DECR2: variants seen among roughly 807,000 people sequenced by gnomAD.
DECR2 encodes peroxisomal 2,4-dienoyl-CoA reductase [(3E)-enoyl-CoA-producing].
A neutral mutation model predicts 29.2 loss-of-function variants in DECR2; 34 were observed. The observed-to-expected ratio is 1.16, with a 90% CI of 0.89 to 1.55. The LOEUF is 1.55. DECR2 is among the 40% of genes most tolerant of loss of function. DECR2 has a pLI of 0.00. For synonymous variants in DECR2, 224 were observed against 182.7 expected, an observed-to-expected ratio of 1.23 and a Z score of -1.82; for missense variants, 485 against 425.3, an observed-to-expected ratio of 1.14 and a Z score of -1.23.
At chr16:402,868 C>G in intron 1 of DECR2, 1 of 197,760 alleles carries the variant, frequency 5.1e-6, no homozygotes, top group Non-Finnish European at 9.1e-6. Flanking sequence ...ACCTGTAATC[C>G]CAACTACTTG....
chr16:405,471 C>A, intron 2 of DECR2: 1 of 1,239,564 alleles, frequency 8.1e-7, no homozygotes, highest in Non-Finnish European at 1.1e-6. Flanking sequence ...GTGAGTCCCA[C>A]AGGAAGAGAT....
In DECR2 at chr16:410,504, C is replaced by A. The variant is rs3743893; in HGVS notation, c.462+137C>A. 3 of 1,162,256 alleles carry A rather than the reference C, an allele frequency of 2.6e-6. No individual in the cohort carries two copies. Among genetic ancestry groups the A allele is most frequent in the African/African-American group, 1.5e-5 (1 of 66,032 alleles). The allele number at this position is 1,162,256 out of a possible 1,614,324, so 72.0% of individuals were successfully genotyped here. On this transcript the variant is annotated intron_variant, in intron 5 of 8. Transcript: ENST00000219481. This position sits in a 1 kb window ranked among gnomAD's most constrained non-coding sequence, Gnocchi z 4.1. ...GTGGGTGTACTCCCAGCGGGGGCCT[C>A]CCCCTGACGGCCGCCCGCTCCCTGC... is the stretch of plus-strand genomic sequence containing the variant.
At position 410,516 on chromosome 16, in the gene DECR2, C is replaced by G; in HGVS notation, c.462+149C>G. On this transcript the variant is annotated intron_variant, in intron 5 of 8. Transcript: ENST00000219481. This position sits in a 1 kb window ranked among gnomAD's most constrained non-coding sequence, Gnocchi z 4.1. The stretch of plus-strand genomic sequence containing the variant: ...CCAGCGGGGGCCTCCCCCTGACGGC[C>G]GCCCGCTCCCTGCCCTGGGCCTCCC... The G allele has an allele frequency of 1.5e-6, 2 of 1,369,478 alleles. No homozygotes were observed. The highest frequency in any genetic ancestry group is 1.3e-5 in the South Asian group (1 of 74,518). 84.8% of individuals were successfully genotyped at this position (1,369,478 alleles called of 1,614,324 possible). A position where few individuals can be genotyped will look rare whatever the true frequency, so the allele number is the denominator to read the frequency against.
rs2054827888 is a variant in DECR2 at position 412,439 on chromosome 16, C to G, written c.*550C>G. On this transcript the variant is annotated 3_prime_UTR_variant, in exon 9 of 9. Transcript: ENST00000219481. ...AAAAATAAATTGGACTTTGCAAAAGCTTTTAGAAGGAAAAGAAAGAGGATT... is the reference window on the plus strand; with the variant it reads ...AAAAATAAATTGGACTTTGCAAAAGGTTTTAGAAGGAAAAGAAAGAGGATT... The G allele has an allele frequency of 6.6e-6, 1 of 151,984 alleles. No individual in the cohort carries two copies. Among genetic ancestry groups the G allele is most frequent in the African/African-American group, 2.4e-5 (1 of 41,294 alleles). 9.4% of individuals were successfully genotyped at this position (151,984 alleles called of 1,614,324 possible).
chr16:407,322 G>A, intron 3 of DECR2, 103 bp from the exon 4 acceptor site: 5 of 1,483,632 alleles, frequency 3.4e-6, no homozygotes, highest in Non-Finnish European at 4.5e-6. Context: ...GCAAACCCAG[G>A]GTCCCCGAGG....
chr16:407,768 G>T (rs78372346), intron 4 of DECR2, among the ~76,000 whole-genome samples: 1 of 134,674 alleles, frequency 7.4e-6, no homozygotes, highest in Non-Finnish European at 1.6e-5. Context: ...CTGTCTCCGG[G>T]CCCCTGTCTC....
chr16:401,895 C>T lies in DECR2; in HGVS notation c.-69C>T. On this transcript the variant is annotated 5_prime_UTR_variant, in exon 1 of 9. Coordinates refer to ENST00000219481, the MANE Select transcript of DECR2 (RefSeq NM_020664.4). The stretch of plus-strand genomic sequence containing the variant: ...CTCCCGGTTCCAGGCGAGTTCGCAG[C>T]TGCGCGCCGGGTCCTGGAGGCCGAG... 2 of 1,363,478 alleles carry T rather than the reference C, an allele frequency of 1.5e-6. No individual in the cohort carries two copies. The highest frequency in any genetic ancestry group is 1.9e-6 in the Non-Finnish European group (2 of 1,045,918). 84.5% of individuals were successfully genotyped at this position (1,363,478 alleles called of 1,614,324 possible). A position where few individuals can be genotyped will look rare whatever the true frequency, so the allele number is the denominator to read the frequency against.
rs757445116 is a variant in DECR2, at chr16:401,923, C to T, written c.-41C>T. The stretch of plus-strand genomic sequence containing the variant: ...CGCGCCGGGTCCTGGAGGCCGAGGC[C>T]GCTCCCGCCCGTTGTCCCCGCAGTC... On this transcript the variant is annotated 5_prime_UTR_variant, in exon 1 of 9. Transcript: ENST00000219481. 3.4e-6 allele frequency: 5 copies of T among 1,467,416 alleles called. No individual in the cohort carries two copies. In the South Asian group the frequency reaches 5.2e-5, roughly 15 times the overall value. 90.9% of individuals were successfully genotyped at this position (1,467,416 alleles called of 1,614,324 possible). A position where few individuals can be genotyped will look rare whatever the true frequency, so the allele number is the denominator to read the frequency against.
rs770300567 is a variant in DECR2 at position 410,319 on chromosome 16, C to A, written c.414C>A (p.Thr138=). The A allele has an allele frequency of 6.2e-7, 1 of 1,613,446 alleles. No homozygotes were observed. Among genetic ancestry groups the A allele is most frequent in the Non-Finnish European group, 8.5e-7 (1 of 1,179,714 alleles). ...TCAAGACCGTGATGGACATCGATAC[C>A]AGCGGCACCTTCAATGTGTCTCGTG... ...NAFKTVMDID[T]SGTFNVSRVL... The change falls in exon 5 of 9, where the codon ACC becomes ACA. Residue 138 remains threonine (T), a synonymous_variant. Transcript: ENST00000219481. This position sits in a 1 kb window ranked among gnomAD's most constrained non-coding sequence, Gnocchi z 4.1.
chr16:403,255 G>C (rs2054688583), intron 1 of DECR2, among the ~76,000 whole-genome samples: 1 of 152,020 alleles, frequency 6.6e-6, no homozygotes. Flanking sequence ...CCTGACCTCA[G>C]ATGATCCACC....
intron 3 of DECR2, chr16:407,029 G>A: frequency 1.9e-6 from 2 of 1,038,200 alleles, no homozygotes; most frequent in Non-Finnish European, 1.2e-6. Context: ...CTTCCTGTTT[G>A]GGGGTAATGT....
chr16:407,720 G>GA (rs1357953642), intron 4 of DECR2, 160 bp downstream of exon 4: 1 of 1,208,760 alleles, frequency 8.3e-7, no homozygotes, highest in Non-Finnish European at 1.1e-6. Context: ...CCAAGACTCA[G>GA]GCTCCGGCCC....
At position 410,973 on chromosome 16, in the gene DECR2, C is replaced by T. The variant is rs750756002; in HGVS notation, c.558C>T (p.Asp186=). The change falls in exon 7 of 9, where the codon GAC becomes GAT. Residue 186 remains aspartate, a splice_region_variant and synonymous_variant. Transcript: ENST00000219481. The surrounding 1 kb of genome is among the most constrained non-coding windows in gnomAD (Gnocchi z 4.1). ...CATATCCAACTTTCTTCTGTGCAGA[C>T]GCGATGACGCGGCACTTGGCTGTGG... ...VHAGSAKAAV[D]AMTRHLAVEW... is the part of the protein sequence containing the mutation. 5.6e-6 allele frequency: 9 copies of T among 1,595,542 alleles called. No individual in the cohort carries two copies. The highest frequency in any genetic ancestry group is 4.0e-5 in the African/African-American group (3 of 74,540).
At chr16:406,512 T>C in intron 3 of DECR2, 115 bp downstream of exon 3, 1 of 1,076,488 alleles carries the variant, frequency 9.3e-7, no homozygotes, top group Admixed American at 2.2e-5. Flanking sequence ...ACTTTTTTTT[T>C]CTGAGACGGG....
At chr16:411,267 T>A (rs2054815536) in intron 7 of DECR2, 94 bp from the exon 8 acceptor site, 1 of 1,328,050 alleles carries the variant, frequency 7.5e-7, no homozygotes, top group Non-Finnish European at 1.0e-6. Context: ...GTGTCCTTGC[T>A]GTTCCCAGAT....
intron 1 of DECR2, among the ~76,000 whole-genome samples, chr16:402,403 G>A (rs1468288013): frequency 6.6e-6 from 1 of 151,774 alleles, no homozygotes; most frequent in East Asian, 2.0e-4. Context: ...CAAAGTGCTG[G>A]GATTTACAGG....
intron 2 of DECR2, chr16:405,646 A>G (rs873477): frequency 0.4 from 510,217 of 1,278,762 alleles, 104,009 homozygotes; most frequent in South Asian, 0.48. Flanking sequence ...AGGCAGACAG[A>G]TCCCGTTTGT....
At position 407,293 on chromosome 16, in the gene DECR2, C is replaced by T. The variant is rs559699340; in HGVS notation, c.202-132C>T. 4.9e-4 allele frequency: 719 copies of T among 1,467,920 alleles called. 3 individuals carry two copies. In the African/African-American group the frequency reaches 8.5e-3, roughly 17 times the overall value. 90.9% of individuals were successfully genotyped at this position (1,467,920 alleles called of 1,614,324 possible). The stretch of plus-strand genomic sequence containing the variant: ...CGTGGGCACTTGCAGGCTGTGCTTC[C>T]CCAGAGTGGGGTCCAGCAGCAAACC... On this transcript the variant is annotated intron_variant, in intron 3 of 8. Coordinates refer to ENST00000219481, the MANE Select transcript of DECR2 (RefSeq NM_020664.4).
chr16:406,451 G>C, intron 3 of DECR2, 54 bp downstream of exon 3: 2 of 1,586,508 alleles, frequency 1.3e-6, no homozygotes, highest in Non-Finnish European at 1.7e-6. Context: ...GGGGGCTGGG[G>C]CTGGGCCTGG....
Sources: allele counts gnomAD v4.1 joint callset (sites outside exome capture counted in the v4.1 genomes callset), GRCh38; gene constraint gnomAD v4.1.1; non-coding constraint Gnocchi (gnomAD v3.1); transcripts MANE v1.5; gene names NCBI Gene and HGNC (gene_info 2026-07-23, HGNC 2026-07-21).